SPATS2: variants seen among roughly 807,000 people sequenced by gnomAD.
The protein encoded by SPATS2 is spermatogenesis associated serine rich 2.
Under a neutral mutation model 63.7 loss-of-function variants are expected in SPATS2, and 38 were observed. The observed-to-expected ratio is 0.60, with a 90% confidence interval of 0.46 to 0.78. SPATS2 has a LOEUF of 0.78. Among genes scored for constraint, SPATS2 ranks in the 30% least tolerant of loss-of-function variants. The probability of loss-of-function intolerance (pLI) is 0.00; values close to 1 mark genes in which losing one functional copy is unlikely to be tolerated. For synonymous variants in SPATS2, 207 were observed against 232.9 expected (o/e 0.89, Z 1.01); for missense variants, 588 against 666.2 (o/e 0.88, Z 1.29).
chr12:49,376,166 A>G (rs560525189), intron 2 of SPATS2, among the ~76,000 whole-genome samples: 102 of 140,324 alleles, frequency 7.3e-4, no homozygotes, highest in African/African-American at 2.8e-3. Flanking sequence ...CAGTGGTGCA[A>G]TCTTGGCTCA....
At position 49,442,785 on chromosome 12, in the gene SPATS2, TTAAAAAAA is replaced by T. The variant is rs1426901319; in HGVS notation, c.-243-17984_-243-17977del. 86 of 62,920 alleles carry T rather than the reference TTAAAAAAA, an allele frequency of 1.4e-3. 9 individuals are homozygous for T. Among genetic ancestry groups the T allele is most frequent in the African/African-American group, 3.5e-3 (83 of 23,830 alleles). 3.9% of individuals were successfully genotyped at this position (62,920 alleles called of 1,614,324 possible). ...GGCAACAGAGAGAGACCATGTCTCCTTAAAAAAAAAAAAAAAAAAAAAAAAAAAAAAAA... is the reference window on the plus strand; with the variant it reads ...GGCAACAGAGAGAGACCATGTCTCCTAAAAAAAAAAAAAAAAAAAAAAAAA... On this transcript the variant is annotated intron_variant, in intron 2 of 13. Coordinates refer to ENST00000552918, the MANE Select transcript of SPATS2 (RefSeq NM_023071.4).
intron 2 of SPATS2, among the ~76,000 whole-genome samples, chr12:49,428,270 AAAC>A (rs1592385628): frequency 6.8e-6 from 1 of 147,834 alleles, no homozygotes; most frequent in Admixed American, 6.7e-5. Context: ...ACAAACAAAC[AAAC>A]AAAAAAAAAA....
At chr12:49,518,283 A>G (rs1406010275) in intron 10 of SPATS2, among the ~76,000 whole-genome samples, 2 of 152,126 alleles carry the variant, frequency 1.3e-5, no homozygotes, top group African/African-American at 4.8e-5. Context: ...GCTTCCTGGG[A>G]GGATTTCTTT....
At chr12:49,461,607 A>G (rs1486328155) in intron 3 of SPATS2, among the ~76,000 whole-genome samples, 1 of 152,232 alleles carries the variant, frequency 6.6e-6, no homozygotes. Flanking sequence ...GAACTATTGT[A>G]CATAATTGGA....
intron 2 of SPATS2, among the ~76,000 whole-genome samples, chr12:49,456,667 G>A (rs930911869): frequency 6.6e-6 from 1 of 152,224 alleles, no homozygotes; most frequent in Admixed American, 6.5e-5. Flanking sequence ...AGTGGATGTG[G>A]TGAGAAGTGG....
intron 2 of SPATS2, among the ~76,000 whole-genome samples, chr12:49,430,302 A>G (rs1046644843): frequency 5.3e-5 from 8 of 151,332 alleles, no homozygotes; most frequent in Admixed American, 3.3e-4. Flanking sequence ...GTGTTTCACT[A>G]TGTTGGCCAG....
At chr12:49,470,370 A>G (rs1034872106) in intron 3 of SPATS2, among the ~76,000 whole-genome samples, 4 of 152,072 alleles carry the variant, frequency 2.6e-5, no homozygotes, top group Non-Finnish European at 5.9e-5. Context: ...TTCTATGTGA[A>G]ATAGACTGGT....
At chr12:49,512,876 C>G (rs1283838521) in intron 9 of SPATS2, 3 of 1,288,854 alleles carry the variant, frequency 2.3e-6, no homozygotes, top group Non-Finnish European at 2.0e-6. Context: ...TCCAATGCTG[C>G]TAGAGTTCTT....
At chr12:49,367,998 T>C (rs1029809368) in intron 1 of SPATS2, among the ~76,000 whole-genome samples, 2 of 152,116 alleles carry the variant, frequency 1.3e-5, no homozygotes, top group Admixed American at 6.5e-5. Flanking sequence ...GCGAGGTCCT[T>C]AGCATTCGGG....
chr12:49,387,275 A>C (rs1035908535), intron 2 of SPATS2: 1 of 151,608 alleles, frequency 6.6e-6, no homozygotes, highest in African/African-American at 2.4e-5. Flanking sequence ...AAGCGCTTCA[A>C]AGTTTGGAGA....
chr12:49,395,125 G>A (rs2137267823), intron 2 of SPATS2, among the ~76,000 whole-genome samples: 1 of 151,926 alleles, frequency 6.6e-6, no homozygotes, highest in East Asian at 1.9e-4. Flanking sequence ...TTTTAATCTG[G>A]ATTCCTTTTA....
At chr12:49,516,365 TA>T (rs56878784) in intron 10 of SPATS2, among the ~76,000 whole-genome samples, 47,263 of 145,864 alleles carry the variant, frequency 0.32, 11,412 homozygotes, top group African/African-American at 0.68. Flanking sequence ...GTCTTGAAAT[TA>T]AAAAAAAAGA....
chr12:49,462,754 G>C, intron 3 of SPATS2: 1 of 413,562 alleles, frequency 2.4e-6, no homozygotes, highest in Admixed American at 4.1e-5. Context: ...TCTCCAGCTA[G>C]TTTTTTCTCC....
At chr12:49,470,630 C>A (rs1461610986) in intron 3 of SPATS2, among the ~76,000 whole-genome samples, 1 of 152,148 alleles carries the variant, frequency 6.6e-6, no homozygotes, top group Non-Finnish European at 1.5e-5. Context: ...CCTTCTGGTT[C>A]TTATCTGTTA....
chr12:49,497,148 C>A, intron 8 of SPATS2, 139 bp downstream of exon 8: 1 of 798,664 alleles, frequency 1.3e-6, no homozygotes, highest in Non-Finnish European at 1.9e-6. Context: ...CAGTGACTGA[C>A]TACTCAGCCC....
intron 12 of SPATS2, 108 bp downstream of exon 12, chr12:49,522,961 G>A (rs1946967904): frequency 5.5e-6 from 5 of 904,044 alleles, no homozygotes; most frequent in Non-Finnish European, 6.7e-6. Context: ...TTGTTTGCTT[G>A]TTTATATGAA....
In SPATS2 at chr12:49,395,447, C is replaced by T. The variant is rs186281790; in HGVS notation, c.-244+24157C>T. On this transcript the variant is annotated intron_variant, in intron 2 of 13. Coordinates refer to ENST00000552918, the MANE Select transcript of SPATS2 (RefSeq NM_023071.4). ...TCAGATTTTTTTTTTTTTTTTGAGA[C>T]AGAATCTCACTCTGTTGCCCAGGAT... Among the ~76,000 whole-genome samples, 521 of 146,758 alleles carry T rather than the reference C, an allele frequency of 3.6e-3. 4 individuals are homozygous for T. Among genetic ancestry groups the T allele is most frequent in the Middle Eastern group, 0.028 (8 of 286 alleles).
intron 2 of SPATS2, among the ~76,000 whole-genome samples, chr12:49,427,464 CTG>C (rs971641842): frequency 1.3e-5 from 2 of 152,110 alleles, no homozygotes; most frequent in African/African-American, 4.8e-5. Context: ...ATTTTCTTAA[CTG>C]TTATGAATAC....
At chr12:49,514,645 A>G (rs755096070) in intron 10 of SPATS2, 32 bp downstream of exon 10, 2 of 1,602,598 alleles carry the variant, frequency 1.2e-6, no homozygotes, top group East Asian at 2.2e-5. Flanking sequence ...TAAAGCTATT[A>G]CCTTCATAAA....
Sources: allele counts gnomAD v4.1 joint callset (sites outside exome capture counted in the v4.1 genomes callset), GRCh38; gene constraint gnomAD v4.1.1; transcripts MANE v1.5; gene names NCBI Gene and HGNC (gene_info 2026-07-23, HGNC 2026-07-21).